LUZP2: variants seen among roughly 807,000 people sequenced by gnomAD.
LUZP2 encodes leucine zipper protein 2.
A neutral mutation model predicts 51.6 loss-of-function variants in LUZP2; 52 were observed. That is an observed-to-expected ratio of 1.01 (90% CI 0.81 to 1.27). The LOEUF (loss-of-function observed/expected upper bound fraction) is 1.27. Ranked by LOEUF, LUZP2 falls within the 50% of genes most tolerant of loss-of-function variation. The pLI, the probability that LUZP2 is intolerant of heterozygous loss-of-function variation, is 0.00. For missense variants in LUZP2, 436 were observed against 395.4 expected, an observed-to-expected ratio of 1.10 and a Z score of -0.87; for synonymous variants, 154 against 137.3, an observed-to-expected ratio of 1.12 and a Z score of -0.85.
intron 5 of LUZP2, among the ~76,000 whole-genome samples, chr11:24,830,909 G>T (rs1276947289): frequency 6.6e-6 from 1 of 152,096 alleles, no homozygotes; most frequent in Non-Finnish European, 1.5e-5. Context: ...CAGGAGAATG[G>T]CGTGAACCCG....
chr11:24,873,018 A>C (rs1272348544), intron 5 of LUZP2, among the ~76,000 whole-genome samples: 1 of 152,182 alleles, frequency 6.6e-6, no homozygotes, highest in African/African-American at 2.4e-5. Flanking sequence ...ACTATTAGAA[A>C]AAAATTTTCT....
chr11:24,609,843 G>A (rs1455501401), intron 1 of LUZP2, among the ~76,000 whole-genome samples: 1 of 150,066 alleles, frequency 6.7e-6, no homozygotes, highest in Non-Finnish European at 1.5e-5. Flanking sequence ...GCATGGCAAA[G>A]AGCCTGCTGG....
At chr11:24,969,744 C>G (rs1474891806) in intron 7 of LUZP2, among the ~76,000 whole-genome samples, 1 of 152,044 alleles carries the variant, frequency 6.6e-6, no homozygotes, top group Admixed American at 6.6e-5. Flanking sequence ...ATTACGTCTC[C>G]ATCTTTGCAA....
chr11:24,996,025 AT>A (rs200677333), intron 9 of LUZP2, among the ~76,000 whole-genome samples: 4 of 150,630 alleles, frequency 2.7e-5, no homozygotes, highest in Non-Finnish European at 4.4e-5. Context: ...GGTTCTAATT[AT>A]TTTTATATAT....
chr11:24,537,581 T>C (rs751528755), intron 1 of LUZP2, among the ~76,000 whole-genome samples: 3 of 151,912 alleles, frequency 2.0e-5, no homozygotes, highest in Admixed American at 6.6e-5. Context: ...GGTTCTTTTA[T>C]TTTGTAGAAC....
At chr11:24,954,036 T>C (rs1000441074) in intron 7 of LUZP2, among the ~76,000 whole-genome samples, 1 of 151,886 alleles carries the variant, frequency 6.6e-6, no homozygotes, top group Non-Finnish European at 1.5e-5. Context: ...TCCTGGCCCA[T>C]CTTCTGGAAC....
At chr11:24,673,114 C>A (rs1007983878) in intron 1 of LUZP2, among the ~76,000 whole-genome samples, 1 of 152,166 alleles carries the variant, frequency 6.6e-6, no homozygotes, top group Admixed American at 6.5e-5. Flanking sequence ...TTCCTCCATC[C>A]ATGGAAAAAT....
Position 24,745,454 on chromosome 11 carries a change from T to C in LUZP2, c.333+7152T>C, listed in dbSNP as rs1298424632. Among the ~76,000 whole-genome samples, 7 of 152,304 alleles carry C rather than the reference T, an allele frequency of 4.6e-5. No homozygotes were observed. In the South Asian group the frequency reaches 6.2e-4, roughly 14 times the overall value. ...TGTTGGACAAGGCCTTTTACCATTATATAATGTCCCACTTTGTCTCTTTTA... is the reference window on the plus strand; with the variant it reads ...TGTTGGACAAGGCCTTTTACCATTACATAATGTCCCACTTTGTCTCTTTTA... On this transcript the variant is annotated intron_variant, in intron 4 of 11. Coordinates refer to ENST00000336930, the MANE Select transcript of LUZP2 (RefSeq NM_001009909.4).
At chr11:24,668,034 T>A (rs1856274856) in intron 1 of LUZP2, among the ~76,000 whole-genome samples, 1 of 152,220 alleles carries the variant, frequency 6.6e-6, no homozygotes, top group African/African-American at 2.4e-5. Context: ...GTAAGTGCTG[T>A]AATAAAGACT....
intron 6 of LUZP2, among the ~76,000 whole-genome samples, chr11:24,912,511 A>G (rs972065809): frequency 3.3e-5 from 5 of 152,102 alleles, no homozygotes; most frequent in Non-Finnish European, 5.9e-5. Context: ...ACACTGCATA[A>G]TTAGAAATAT....
intron 1 of LUZP2, among the ~76,000 whole-genome samples, chr11:24,633,706 T>C (rs146541005): frequency 1.8e-4 from 28 of 152,074 alleles, no homozygotes; most frequent in Non-Finnish European, 3.7e-4. Context: ...TTTATATATT[T>C]AAGTATGATG....
chr11:24,935,660 A>G (rs1414824653), intron 7 of LUZP2, among the ~76,000 whole-genome samples: 1 of 152,180 alleles, frequency 6.6e-6, no homozygotes, highest in Non-Finnish European at 1.5e-5. Context: ...CAATTTCATT[A>G]TGAAAGTAAA....
intron 9 of LUZP2, among the ~76,000 whole-genome samples, chr11:25,006,415 G>A (rs1350517349): frequency 1.3e-5 from 2 of 152,162 alleles, no homozygotes; most frequent in Non-Finnish European, 2.9e-5. Context: ...GGACCCTGGA[G>A]CTGAATGGCT....
intron 9 of LUZP2, among the ~76,000 whole-genome samples, chr11:25,036,161 A>G: frequency 6.6e-6 from 1 of 152,002 alleles, no homozygotes; most frequent in East Asian, 2.0e-4. Context: ...TTGGCTATTC[A>G]TTTATTTAGA....
intron 1 of LUZP2, among the ~76,000 whole-genome samples, chr11:24,695,519 G>T (rs144083414): frequency 6.6e-6 from 1 of 151,826 alleles, no homozygotes; most frequent in African/African-American, 2.4e-5. Flanking sequence ...ACTATAATAC[G>T]GTTGACTATA....
intron 1 of LUZP2, among the ~76,000 whole-genome samples, chr11:24,694,205 C>T (rs1488232002): frequency 6.6e-6 from 1 of 152,042 alleles, no homozygotes; most frequent in Non-Finnish European, 1.5e-5. Context: ...TTGCTCACTG[C>T]TTGGCCCATG....
intron 9 of LUZP2, among the ~76,000 whole-genome samples, chr11:25,033,796 T>C (rs901176938): frequency 6.6e-6 from 1 of 152,130 alleles, no homozygotes; most frequent in South Asian, 2.1e-4. Context: ...ATGGTTTTCA[T>C]GTACACATTT....
intron 1 of LUZP2, among the ~76,000 whole-genome samples, chr11:24,706,127 T>C (rs1196742588): frequency 6.6e-6 from 1 of 152,174 alleles, no homozygotes; most frequent in African/African-American, 2.4e-5. Flanking sequence ...AGTCGTATTC[T>C]AAGGTGCATA....
At chr11:24,833,777 C>T (rs1367439741) in intron 5 of LUZP2, among the ~76,000 whole-genome samples, 2 of 148,538 alleles carry the variant, frequency 1.3e-5, no homozygotes, top group Admixed American at 6.6e-5. Context: ...AAGCTCATTG[C>T]CTCCTCCTCA....
Sources: gnomAD v4.1 joint callset for allele counts (sites outside exome capture counted in the v4.1 genomes callset) on GRCh38, gnomAD v4.1.1 for gene constraint, MANE v1.5 for transcripts, NCBI Gene and HGNC (gene_info 2026-07-23, HGNC 2026-07-21) for gene names.